Variants in PAH observed in about 807,000 individuals in gnomAD.
PAH encodes the protein phenylalanine hydroxylase.
In PAH, 64 loss-of-function variants were observed where a neutral mutation model predicts 62.0. That is an observed-to-expected ratio of 1.03 (90% CI 0.84 to 1.27). The LOEUF (loss-of-function observed/expected upper bound fraction) is 1.27. Ranked by LOEUF, PAH falls within the 50% of genes most tolerant of loss-of-function variation. The probability of loss-of-function intolerance (pLI) is 0.00; values close to 1 mark genes in which losing one functional copy is unlikely to be tolerated. For synonymous variants in PAH, 195 were observed against 196.2 expected (o/e 0.99, Z 0.05); for missense variants, 579 against 542.8 (o/e 1.07, Z -0.66).
intron 3 of PAH, among the ~76,000 whole-genome samples, chr12:102,889,534 G>GGACAGATAGATAGATAGATA (rs75657447): frequency 1.5e-4 from 22 of 150,552 alleles, no homozygotes; most frequent in African/African-American, 3.2e-4. Context: ...ATAGATAGAC[G>GGACAGATAGATAGATAGATA]GATAGATAGA....
chr12:102,921,826 G>A (rs111307062), upstream of PAH, among the ~76,000 whole-genome samples: 78 of 152,126 alleles, frequency 5.1e-4, no homozygotes, highest in African/African-American at 8.2e-4. Context: ...TTAACTTTCC[G>A]CTAGATATAT....
rs546463129 is a variant in PAH, at chr12:102,870,508, A to G, written c.442-3845T>C. Among the ~76,000 whole-genome samples the G allele has an allele frequency of 4.5e-3, 682 of 152,296 alleles. 2 individuals are homozygous for G. Among genetic ancestry groups the G allele is most frequent in the Middle Eastern group, 0.02 (6 of 294 alleles). ...TGAGCACATTGTAGTTGCTCAAAGC[A>G]TGATGCATTTGTGCAAAATGGCAGG... On this transcript the variant is annotated intron_variant, in intron 4 of 12. Transcript: ENST00000553106.
upstream of PAH, among the ~76,000 whole-genome samples, chr12:102,955,138 G>A (rs1879874663): frequency 6.6e-6 from 1 of 152,184 alleles, no homozygotes; most frequent in South Asian, 2.1e-4. Context: ...TACAAGACAA[G>A]GCTTCTTCAC....
chr12:102,906,166 A>G (rs564216871), intron 2 of PAH, among the ~76,000 whole-genome samples: 1 of 152,322 alleles, frequency 6.6e-6, no homozygotes, highest in Non-Finnish European at 1.5e-5. Flanking sequence ...ACAAATTACC[A>G]TATTTCACTC....
At chr12:102,951,520 A>G (rs1879761534), upstream of PAH, among the ~76,000 whole-genome samples, 1 of 152,198 alleles carries the variant, frequency 6.6e-6, no homozygotes, top group African/African-American at 2.4e-5. Flanking sequence ...TGCAAAAATA[A>G]AAACAGAAGC....
rs370851391 is a variant in PAH at position 102,932,542 on chromosome 12, T to C, written c.-95-15317A>G. Among the ~76,000 whole-genome samples the C allele has an allele frequency of 1.4e-4, 21 of 152,334 alleles. No homozygotes were observed. In the East Asian group the frequency reaches 3.9e-3, roughly 28 times the overall value. On this transcript the variant is annotated intron_variant, in intron 1 of 3. Coordinates refer to the PAH transcript ENST00000546844. ...GACAAGAGGAGAAGGACAGTTTTTC[T>C]GAGACTATTAAATTAAGTGTTTTGC...
At chr12:102,932,161 T>C (rs1316543929) in intron 1 of PAH, among the ~76,000 whole-genome samples, 2 of 152,054 alleles carry the variant, frequency 1.3e-5, no homozygotes, top group Non-Finnish European at 2.9e-5. Flanking sequence ...ACCAAACCAT[T>C]TGTCTGTCAT....
chr12:102,906,823 A>G (rs1694266692), intron 2 of PAH, among the ~76,000 whole-genome samples: 2 of 152,238 alleles, frequency 1.3e-5, no homozygotes, highest in South Asian at 2.1e-4. Flanking sequence ...CCCTGCATCC[A>G]TGGAGTCCAT....
intron 5 of PAH, among the ~76,000 whole-genome samples, chr12:102,863,366 G>A (rs1875814248): frequency 6.6e-6 from 1 of 152,072 alleles, no homozygotes; most frequent in South Asian, 2.1e-4. Context: ...CTGTTCTAGG[G>A]ACTCAACATC....
rs2102005 is a variant in PAH at position 102,849,785 on chromosome 12, G to A, written c.912+1902C>T. On this transcript the variant is annotated intron_variant, in intron 8 of 12. Transcript: ENST00000553106. Reference sequence around the variant, plus strand: ...CCTAGAGTTTGCCTACAACAAGGGGGGCCCCACATTCCCTGTGCTCCAGCC... The same window carrying A: ...CCTAGAGTTTGCCTACAACAAGGGGAGCCCCACATTCCCTGTGCTCCAGCC... Among the ~76,000 whole-genome samples the A allele has an allele frequency of 7.3e-4, 111 of 152,152 alleles. 3 individuals carry two copies. In the East Asian group the frequency reaches 0.017, roughly 24 times the overall value.
At chr12:102,890,375 G>A (rs1592976199) in intron 3 of PAH, among the ~76,000 whole-genome samples, 1 of 152,166 alleles carries the variant, frequency 6.6e-6, no homozygotes, top group Admixed American at 6.5e-5. Flanking sequence ...TATAGAAAGG[G>A]CAACTTTGCA....
intron 1 of PAH, chr12:102,958,129 T>C: frequency 1.4e-6 from 1 of 720,462 alleles, no homozygotes. Context: ...GCTTCATATT[T>C]CCTTTTCTTT....
At chr12:102,882,623 A>C (rs1024443559) in intron 3 of PAH, among the ~76,000 whole-genome samples, 1 of 142,738 alleles carries the variant, frequency 7.0e-6, no homozygotes, top group Non-Finnish European at 1.5e-5. Flanking sequence ...ATATCTGTAT[A>C]TATATGCATA....
At chr12:102,938,385 T>C (rs1879176209) in intron 1 of PAH, among the ~76,000 whole-genome samples, 1 of 152,196 alleles carries the variant, frequency 6.6e-6, no homozygotes, top group Non-Finnish European at 1.5e-5. Context: ...CAGGCTCACA[T>C]GGATCCCCAA....
At chr12:102,849,350 A>G (rs1428661055) in intron 8 of PAH, among the ~76,000 whole-genome samples, 3 of 152,188 alleles carry the variant, frequency 2.0e-5, no homozygotes, top group African/African-American at 7.2e-5. Context: ...GATGTTAGAG[A>G]TGTCTTATAG....
chr12:102,852,852 T>C lies in PAH; in HGVS notation c.805A>G (p.Ile269Val), dbSNP rs62508692. 46 of 1,613,910 alleles carry C rather than the reference T, an allele frequency of 2.9e-5. No individual in the cohort carries two copies. The highest frequency in any genetic ancestry group is 3.6e-5 in the Non-Finnish European group (43 of 1,179,988). ...TACATGGGCTTGGATCCATGTCTGA[T>C]GTACTGTGTGCAGTGGAAGACTCGG... Reference protein sequence around the residue: ...AFRVFHCTQYIRHGSKPMYTP... With the variant: ...AFRVFHCTQYVRHGSKPMYTP... The change falls in exon 7 of 13, where the codon ATC becomes GTC. Residue 269 changes from isoleucine (I) to valine (V), a missense_variant. By Grantham distance (29) the Ile-to-Val change is conservative. Coordinates refer to ENST00000553106, the MANE Select transcript of PAH (RefSeq NM_000277.3).
intron 1 of PAH, among the ~76,000 whole-genome samples, chr12:102,956,016 T>C (rs1006548091): frequency 3.9e-5 from 6 of 152,156 alleles, no homozygotes; most frequent in Admixed American, 1.3e-4. Flanking sequence ...CCATCATCAC[T>C]ATTGTTCCAG....
chr12:102,951,294 C>T (rs1879752683), upstream of PAH, among the ~76,000 whole-genome samples: 1 of 152,138 alleles, frequency 6.6e-6, no homozygotes, highest in Admixed American at 6.5e-5. Context: ...CCCCGCTGCG[C>T]GCTACCAGGG....
intron 11 of PAH, 58 bp downstream of exon 11, chr12:102,843,588 G>A (rs977894054): frequency 1.3e-6 from 2 of 1,595,590 alleles, no homozygotes; most frequent in Non-Finnish European, 1.7e-6. Flanking sequence ...ACCCACAGAT[G>A]AGTGGCACCA....
Sources: allele counts gnomAD v4.1 joint callset (sites outside exome capture counted in the v4.1 genomes callset), GRCh38; gene constraint gnomAD v4.1.1; transcripts MANE v1.5; gene names NCBI Gene and HGNC (gene_info 2026-07-23, HGNC 2026-07-21).